Variants in MGRN1 observed in about 807,000 individuals in gnomAD.
MGRN1 encodes E3 ubiquitin-protein ligase MGRN1.
Under a neutral mutation model 69.2 loss-of-function variants are expected in MGRN1, and 29 were observed. The ratio of observed to expected loss-of-function variants is 0.42; its 90% CI spans 0.31 to 0.57. The LOEUF is 0.57. Among genes scored for constraint, MGRN1 ranks in the 20% least tolerant of loss-of-function variants. The pLI, the probability that MGRN1 is intolerant of heterozygous loss-of-function variation, is 0.15. For missense variants in MGRN1, 998 were observed against 796.2 expected (o/e 1.25, Z -3.05); for synonymous variants, 470 against 344.2 (o/e 1.37, Z -4.04).
intron 4 of MGRN1, among the ~76,000 whole-genome samples, chr16:4,655,302 G>A (rs929503607): frequency 6.6e-6 from 1 of 152,178 alleles, no homozygotes; most frequent in Non-Finnish European, 1.5e-5. Context: ...AGAGGGTCCC[G>A]CTGCTACCAG....
intron 1 of MGRN1, among the ~76,000 whole-genome samples, chr16:4,641,459 C>G (rs1253732509): frequency 6.6e-6 from 1 of 151,844 alleles, no homozygotes; most frequent in Non-Finnish European, 1.5e-5. Context: ...CATGGTCCTT[C>G]TGCCTCAGCC....
intron 1 of MGRN1, among the ~76,000 whole-genome samples, chr16:4,646,670 G>C (rs544819068): frequency 2.6e-5 from 4 of 152,150 alleles, no homozygotes; most frequent in Non-Finnish European, 5.9e-5. Context: ...CATTTCATGC[G>C]GTCACCTGGT....
intron 16 of MGRN1, chr16:4,686,998 C>T (rs2079337304): frequency 1.0e-6 from 1 of 985,602 alleles, no homozygotes. Flanking sequence ...CGTCCGCTCA[C>T]ACAGCCACCT....
chr16:4,643,170 G>C (rs750530687), intron 1 of MGRN1, among the ~76,000 whole-genome samples: 4 of 151,956 alleles, frequency 2.6e-5, no homozygotes, highest in Admixed American at 6.6e-5. Context: ...TGGCCAGGCT[G>C]GTCTCAATCT....
chr16:4,663,804 A>G (rs780718478), intron 5 of MGRN1, among the ~76,000 whole-genome samples: 5 of 152,230 alleles, frequency 3.3e-5, no homozygotes, highest in Admixed American at 6.5e-5. Context: ...AGAGGATGGC[A>G]CTGTGCTGGG....
intron 9 of MGRN1, chr16:4,672,455 C>T (rs1416874135): frequency 2.2e-6 from 1 of 456,636 alleles, no homozygotes; most frequent in Non-Finnish European, 4.4e-6. Context: ...CCCAGGACAA[C>T]TGGAGCAGCT....
chr16:4,654,860 G>A (rs1057281536), intron 4 of MGRN1, among the ~76,000 whole-genome samples: 16 of 152,342 alleles, frequency 1.1e-4, no homozygotes, highest in African/African-American at 3.6e-4. Context: ...TGGGCTCCCC[G>A]GCAGCCAGGG....
chr16:4,651,963 T>A lies in MGRN1; in HGVS notation c.208T>A (p.Phe70Ile), dbSNP rs1421976961. The change falls in exon 3 of 17, where the codon TTT becomes ATT. Residue 70 changes from phenylalanine (F) to isoleucine (I), a missense_variant and splice_region_variant. Coordinates refer to ENST00000262370, the MANE Select transcript of MGRN1 (RefSeq NM_015246.4). ...TGGGGCCCTGTGGTTTTTCTCCTAG[T>A]TTCCCTACGTCACTCCTGCCCCCCA... ...LNFLGSRPVQFPYVTPAPHEP... is the reference protein window; with the variant it reads ...LNFLGSRPVQIPYVTPAPHEP... The A allele has an allele frequency of 6.2e-7, 1 of 1,613,822 alleles. No homozygotes were observed. Among genetic ancestry groups the A allele is most frequent in the Non-Finnish European group, 8.5e-7 (1 of 1,179,920 alleles).
At chr16:4,686,564 T>A in intron 16 of MGRN1, 1 of 1,324,436 alleles carries the variant, frequency 7.6e-7, no homozygotes, top group Non-Finnish European at 9.6e-7. Flanking sequence ...AGGCTCTTCT[T>A]CCAGCCTTGA....
intron 5 of MGRN1, among the ~76,000 whole-genome samples, chr16:4,660,265 C>A (rs2078646988): frequency 6.6e-6 from 1 of 152,242 alleles, no homozygotes; most frequent in South Asian, 2.1e-4. Context: ...GTTTGCCCCT[C>A]TGTAGACTGG....
At chr16:4,640,198 C>T (rs1055634676) in intron 1 of MGRN1, 1 of 152,322 alleles carries the variant, frequency 6.6e-6, no homozygotes, top group Non-Finnish European at 1.5e-5. Context: ...GCCCAGAAGG[C>T]TTCTTGGCTC....
intron 8 of MGRN1, 100 bp downstream of exon 8, chr16:4,668,412 C>T: frequency 8.0e-7 from 1 of 1,246,018 alleles, no homozygotes; most frequent in Non-Finnish European, 1.2e-6. Context: ...CATACACACG[C>T]ACATATACTC....
intron 7 of MGRN1, 114 bp downstream of exon 7, chr16:4,665,265 A>C: frequency 1.7e-6 from 2 of 1,156,228 alleles, no homozygotes; most frequent in Non-Finnish European, 2.5e-6. Flanking sequence ...GCTGAGTGTC[A>C]AGGGCCCCGG....
Position 4,650,420 on chromosome 16 carries a change from C to G in MGRN1, c.144C>G (p.His48Gln). 1 of 1,614,134 alleles carries G rather than the reference C, an allele frequency of 6.2e-7. No individual in the cohort carries two copies. Among genetic ancestry groups the G allele is most frequent in the Non-Finnish European group, 8.5e-7 (1 of 1,179,990 alleles). The part of the protein sequence containing the change: ...FMGGEKFDTP[H>Q]PEGYLFGENM... ...GAGGAGAGAAATTCGACACCCCCCA[C>G]CCTGAAGGTTACCTCTTTGGAGAGA... The change falls in exon 2 of 17, where the codon CAC (histidine) becomes CAG (glutamine). Residue 48 changes from histidine (H) to glutamine (Q), a missense_variant. His to Gln is a conservative substitution (Grantham distance 24, BLOSUM62 0). Transcript: ENST00000262370.
chr16:4,656,160 T>C (rs1444969006), intron 4 of MGRN1, among the ~76,000 whole-genome samples: 1 of 152,190 alleles, frequency 6.6e-6, no homozygotes, highest in African/African-American at 2.4e-5. Flanking sequence ...GGTTCCTGCA[T>C]GGAGTTTTAT....
intron 10 of MGRN1, among the ~76,000 whole-genome samples, chr16:4,674,891 C>T (rs993688285): frequency 6.6e-5 from 10 of 150,698 alleles, no homozygotes; most frequent in South Asian, 2.1e-4. Flanking sequence ...CCACCCGCCT[C>T]GGCCTCCCAA....
chr16:4,654,765 G>A (rs1223662807), intron 4 of MGRN1, among the ~76,000 whole-genome samples: 2 of 152,232 alleles, frequency 1.3e-5, no homozygotes, highest in Non-Finnish European at 2.9e-5. Context: ...CTGAGTGCTC[G>A]AGTTGAGGGG....
At chr16:4,658,199 A>G (rs1443278963) in intron 5 of MGRN1, among the ~76,000 whole-genome samples, 3 of 151,766 alleles carry the variant, frequency 2.0e-5, no homozygotes, top group African/African-American at 7.3e-5. Flanking sequence ...TCTGGTCTGC[A>G]GCTTGCAAAG....
In MGRN1 at chr16:4,681,705, C is replaced by T. The variant is rs2079186122; in HGVS notation, c.1287C>T (p.Pro429=). The part of the protein sequence containing the change: ...ISDGLSQASC[P]LAAIDHILDS... ...ACGGCCTGTCCCAGGCCAGCTGTCCCCTCGCGGCTATCGACCACATCCTGG... is the reference window on the plus strand; with the variant it reads ...ACGGCCTGTCCCAGGCCAGCTGTCCTCTCGCGGCTATCGACCACATCCTGG... The change falls in exon 13 of 17, where the codon CCC becomes CCT. Residue 429 remains proline (P), a synonymous_variant. Coordinates refer to ENST00000262370, the MANE Select transcript of MGRN1 (RefSeq NM_015246.4). The T allele has an allele frequency of 1.9e-6, 3 of 1,613,240 alleles. No individual in the cohort carries two copies. Among genetic ancestry groups the T allele is most frequent in the South Asian group, 1.1e-5 (1 of 91,090 alleles).
Sources: gnomAD v4.1 joint callset for allele counts (sites outside exome capture counted in the v4.1 genomes callset) on GRCh38, gnomAD v4.1.1 for gene constraint, MANE v1.5 for transcripts, NCBI Gene and HGNC (gene_info 2026-07-23, HGNC 2026-07-21) for gene names.